Variants in ANO2 observed in about 807,000 individuals in gnomAD.
ANO2 encodes the protein anoctamin 2, also known as anoctamin-2.
In ANO2, 101 loss-of-function variants were observed where a neutral mutation model predicts 124.2. The observed-to-expected ratio is 0.81, with a 90% CI of 0.69 to 0.96. ANO2 has a LOEUF of 0.96. ANO2 is among the 40% of genes least tolerant of loss of function. The pLI is 0.00. For synonymous variants in ANO2, 486 were observed against 482.5 expected (o/e 1.01, Z -0.09); for missense variants, 1,293 against 1,274.5 (o/e 1.01, Z -0.22).
chr12:5,694,487 C>T (rs1949088269), intron 14 of ANO2, among the ~76,000 whole-genome samples: 1 of 152,114 alleles, frequency 6.6e-6, no homozygotes, highest in Non-Finnish European at 1.5e-5. Flanking sequence ...AGTGTCCCCA[C>T]AAAGAGTTTA....
chr12:5,616,775 C>T (rs770641683), intron 16 of ANO2, among the ~76,000 whole-genome samples: 3 of 152,182 alleles, frequency 2.0e-5, no homozygotes, highest in Non-Finnish European at 4.4e-5. Flanking sequence ...TCACCTTATA[C>T]AGAAATCCTT....
At position 5,641,196 on chromosome 12, in the gene ANO2, G is replaced by A. The variant is rs182890388; in HGVS notation, c.1621-5849C>T. ...CAATGAGAACACTTGGACACAGGGC[G>A]AGGAACATCACACATTGGGGCCTGT... On this transcript the variant is annotated intron_variant, in intron 15 of 24. Coordinates refer to ENST00000682330, the MANE Select transcript of ANO2 (RefSeq NM_001364791.2). 5.8e-3 allele frequency among the ~76,000 whole-genome samples: 863 copies of A among 148,228 alleles called. 4 individuals are homozygous for A. The highest frequency in any genetic ancestry group is 0.021 in the African/African-American group (830 of 40,020).
At chr12:5,677,784 G>A (rs375539014) in intron 14 of ANO2, among the ~76,000 whole-genome samples, 32 of 152,324 alleles carry the variant, frequency 2.1e-4, no homozygotes, top group African/African-American at 7.2e-4. Context: ...AGAAGCATTT[G>A]TCCCGGCTTT....
chr12:5,732,425 A>G (rs1434984454), intron 14 of ANO2, 95 bp downstream of exon 14: 1 of 1,026,668 alleles, frequency 9.7e-7, no homozygotes, highest in African/African-American at 1.6e-5. Context: ...ACCCCTTCTC[A>G]AGCCCAGTCT....
chr12:5,809,888 C>A (rs1470800553), intron 7 of ANO2, among the ~76,000 whole-genome samples: 1 of 152,238 alleles, frequency 6.6e-6, no homozygotes. Flanking sequence ...GGCCCTACGG[C>A]TGCAGTTATC....
At chr12:5,581,667 G>A (rs769506958) in intron 20 of ANO2, among the ~76,000 whole-genome samples, 2 of 152,134 alleles carry the variant, frequency 1.3e-5, no homozygotes, top group Non-Finnish European at 2.9e-5. Context: ...AATCACCCCA[G>A]TCCCATAACA....
At chr12:5,629,960 G>C (rs1945626693) in intron 16 of ANO2, among the ~76,000 whole-genome samples, 1 of 152,180 alleles carries the variant, frequency 6.6e-6, no homozygotes, top group Non-Finnish European at 1.5e-5. Flanking sequence ...GACAATCACT[G>C]TTTTTATCCG....
intron 3 of ANO2, among the ~76,000 whole-genome samples, chr12:5,913,543 T>C (rs943024822): frequency 6.6e-6 from 1 of 152,218 alleles, no homozygotes; most frequent in Non-Finnish European, 1.5e-5. Flanking sequence ...CTGTGAATTC[T>C]GGGGAGGGAG....
At chr12:5,752,599 G>A (rs1484348848) in intron 10 of ANO2, among the ~76,000 whole-genome samples, 1 of 152,016 alleles carries the variant, frequency 6.6e-6, no homozygotes, top group Non-Finnish European at 1.5e-5. Flanking sequence ...CTGAATTGTA[G>A]AAGTTCCTTA....
rs1256938510 is a variant in ANO2, at chr12:5,658,704, ATAT to A, written c.1546-10906_1546-10904del. Among the ~76,000 whole-genome samples, 102 of 151,962 alleles carry A rather than the reference ATAT, an allele frequency of 6.7e-4. 2 individuals carry two copies. The highest frequency in any genetic ancestry group is 1.2e-3 in the Non-Finnish European group (81 of 67,900). ...CATCATTAAATCATCATCAGCATCA[ATAT>A]TATCATTGTCATCAATATCATCATC... On this transcript the variant is annotated intron_variant, in intron 14 of 24. Transcript: ENST00000682330. This position sits in a 1 kb window ranked among gnomAD's most constrained non-coding sequence, Gnocchi z 4.3.
chr12:5,619,232 G>A (rs762418481), intron 16 of ANO2, among the ~76,000 whole-genome samples: 4 of 152,184 alleles, frequency 2.6e-5, no homozygotes, highest in Non-Finnish European at 5.9e-5. Flanking sequence ...ATTGAGAACT[G>A]TAGTGAATAG....
chr12:5,825,163 G>C (rs1051424386), intron 7 of ANO2, among the ~76,000 whole-genome samples: 8 of 152,180 alleles, frequency 5.3e-5, no homozygotes. Context: ...TCACTTTACA[G>C]CTAAAGAAGT....
intron 3 of ANO2, 66 bp downstream of exon 3, chr12:5,920,974 C>T: frequency 2.0e-6 from 3 of 1,522,798 alleles, no homozygotes; most frequent in Non-Finnish European, 2.7e-6. Flanking sequence ...GGTGGCACTG[C>T]TCACTAGGAG....
At position 5,607,165 on chromosome 12, in the gene ANO2, A is replaced by T. The variant is rs1228325342; in HGVS notation, c.2087+5491T>A. Among the ~76,000 whole-genome samples, 5 of 152,070 alleles carry T rather than the reference A, an allele frequency of 3.3e-5. No homozygotes were observed. The East Asian group carries it at 9.7e-4, about 30-fold the overall frequency. On this transcript the variant is annotated intron_variant, in intron 19 of 24. Transcript: ENST00000682330. ...AAGGTACATAAGAGCTGTACTGCCC[A>T]CTAAAAGCCACTGAGCCAGGAACAG... is the stretch of plus-strand genomic sequence containing the variant.
At chr12:5,578,245 G>C (rs1942533719) in intron 21 of ANO2, 121 bp downstream of exon 21, 3 of 1,404,348 alleles carry the variant, frequency 2.1e-6, no homozygotes, top group Non-Finnish European at 1.9e-6. Flanking sequence ...TGAGGATGAG[G>C]GACCCAAAGG....
chr12:5,586,477 A>C (rs1695736643), intron 20 of ANO2, among the ~76,000 whole-genome samples: 1 of 152,214 alleles, frequency 6.6e-6, no homozygotes, highest in Non-Finnish European at 1.5e-5. Context: ...ACACACTTGC[A>C]GTTCTTTGTG....
chr12:5,622,121 A>G (rs1945145844), intron 16 of ANO2, among the ~76,000 whole-genome samples: 1 of 152,166 alleles, frequency 6.6e-6, no homozygotes, highest in African/African-American at 2.4e-5. Context: ...TCTTGAAAAC[A>G]TATCTAGAAG....
intron 20 of ANO2, among the ~76,000 whole-genome samples, chr12:5,585,514 C>A (rs893385514): frequency 2.6e-5 from 4 of 152,192 alleles, no homozygotes; most frequent in Non-Finnish European, 5.9e-5. Context: ...CTCTTTCTCC[C>A]GTCCCACATC....
Position 5,923,102 on chromosome 12 carries a change from A to ACG in ANO2, c.23-299_23-298insCG, listed in dbSNP as rs1491587780. The stretch of plus-strand genomic sequence containing the variant: ...CACATACACACACACACGCACACAC[A>ACG]TACACACACATGCACGCACACACAC... On this transcript the variant is annotated intron_variant, in intron 1 of 24. Coordinates refer to ENST00000682330, the MANE Select transcript of ANO2 (RefSeq NM_001364791.2). Among the ~76,000 whole-genome samples, 9 of 58,416 alleles carry ACG rather than the reference A, an allele frequency of 1.5e-4. 1 individual carries two copies. The highest frequency in any genetic ancestry group is 3.3e-4 in the African/African-American group (9 of 27,340). The allele number at this position is 58,416 out of a possible 152,430, so 38.3% of individuals were successfully genotyped here. A position where few individuals can be genotyped will look rare whatever the true frequency, so the allele number is the denominator to read the frequency against.
Sources: allele counts gnomAD v4.1 joint callset (sites outside exome capture counted in the v4.1 genomes callset), GRCh38; gene constraint gnomAD v4.1.1; non-coding constraint Gnocchi (gnomAD v3.1); transcripts MANE v1.5; gene names NCBI Gene and HGNC (gene_info 2026-07-23, HGNC 2026-07-21).